The following MAN2B2 variants were observed in gnomAD, a reference collection of about 807,000 sequenced individuals.
MAN2B2 encodes epididymis-specific alpha-mannosidase.
A neutral mutation model predicts 117.1 loss-of-function variants in MAN2B2; 106 were observed. The ratio of observed to expected loss-of-function variants is 0.90; its 90% CI spans 0.77 to 1.06. The LOEUF (loss-of-function observed/expected upper bound fraction) is 1.06, where lower values mean the gene tolerates loss of function less well. Ranked by LOEUF, MAN2B2 falls within the 50% of genes least tolerant of loss-of-function variation. The pLI is 0.00. For missense variants in MAN2B2, 1,326 were observed against 1,381.4 expected (o/e 0.96, Z 0.64); for synonymous variants, 544 against 595.1 (o/e 0.91, Z 1.25).
At chr4:6,588,154 T>A (rs1726714897) in intron 4 of MAN2B2, among the ~76,000 whole-genome samples, 1 of 152,098 alleles carries the variant, frequency 6.6e-6, no homozygotes, top group African/African-American at 2.4e-5. Context: ...GACTGGTGAC[T>A]CAAGCAATAG....
rs770960851 is a variant in MAN2B2 at position 6,605,282 on chromosome 4, T to C, written c.1767T>C (p.Ile589=). Reference sequence around the variant, plus strand: ...TGCCTGTGGCAAACGACTGCTACATTGTGCTGCTCGACCAGGATACCAACC... The same window carrying C: ...TGCCTGTGGCAAACGACTGCTACATCGTGCTGCTCGACCAGGATACCAACC... ...YLVPVANDCY[I]VLLDQDTNLM... Residue 589 remains isoleucine, a synonymous_variant, in exon 11 of 19, where the codon ATT becomes ATC. Coordinates refer to ENST00000285599, the MANE Select transcript of MAN2B2 (RefSeq NM_015274.3). 31 of 1,613,856 alleles carry C rather than the reference T, an allele frequency of 1.9e-5. No individual in the cohort carries two copies. The Admixed American group carries it at 3.2e-4, about 16-fold the overall frequency.
intron 10 of MAN2B2, among the ~76,000 whole-genome samples, chr4:6,603,727 A>G (rs1727423830): frequency 6.6e-6 from 1 of 152,002 alleles, no homozygotes; most frequent in Non-Finnish European, 1.5e-5. Context: ...AAATAAGAAA[A>G]ATATGGAATA....
chr4:6,578,373 C>T lies in MAN2B2; in HGVS notation c.286-20C>T. On this transcript the variant is annotated intron_variant, in intron 2 of 18. Coordinates refer to ENST00000285599, the MANE Select transcript of MAN2B2 (RefSeq NM_015274.3). ...CAGGAGCCGTAACTGGCTTTTTTCTCTCTGCCTGCCCATGTCAAGGTCCGC... is the reference window on the plus strand; with the variant it reads ...CAGGAGCCGTAACTGGCTTTTTTCTTTCTGCCTGCCCATGTCAAGGTCCGC... The T allele has an allele frequency of 6.3e-7, 1 of 1,599,510 alleles. No homozygotes were observed. The highest frequency in any genetic ancestry group is 8.5e-7 in the Non-Finnish European group (1 of 1,170,084).
At chr4:6,578,264 T>C (rs1159785334) in intron 2 of MAN2B2, 129 bp from the exon 3 acceptor site, 1 of 676,010 alleles carries the variant, frequency 1.5e-6, no homozygotes, top group Non-Finnish European at 2.6e-6. Flanking sequence ...AGTGCCCTGC[T>C]TTTATAGAGT....
At chr4:6,619,500 C>T (rs994934335) in intron 17 of MAN2B2, 3 of 168,104 alleles carry the variant, frequency 1.8e-5, no homozygotes, top group Admixed American at 1.7e-4. Context: ...CCCTAAGGGC[C>T]TCCTGCCTCC....
In MAN2B2 at chr4:6,579,216, C is replaced by T. The variant is rs374902251; in HGVS notation, c.391+718C>T. 1.7e-3 allele frequency among the ~76,000 whole-genome samples: 121 copies of T among 72,416 alleles called. 6 individuals are homozygous for T. Among genetic ancestry groups the T allele is most frequent in the Non-Finnish European group, 2.2e-3 (75 of 33,766 alleles). 47.5% of individuals were successfully genotyped at this position (72,416 alleles called of 152,430 possible). Reference sequence around the variant, plus strand: ...AGCACCACCACCATCACCATCACCACCACCACCACCACCATCACCACCACC... The same window carrying T: ...AGCACCACCACCATCACCATCACCATCACCACCACCACCATCACCACCACC... On this transcript the variant is annotated intron_variant, in intron 3 of 18. Transcript: ENST00000285599.
chr4:6,621,089 T>C, intron 18 of MAN2B2, 99 bp from the exon 19 acceptor site: 1 of 819,932 alleles, frequency 1.2e-6, no homozygotes, highest in Non-Finnish European at 2.0e-6. Context: ...AGAGGGAGGC[T>C]GGGAGCCACA....
chr4:6,621,948 G>A lies in MAN2B2; in HGVS notation c.*663G>A, dbSNP rs2108763867. 6.6e-6 allele frequency: 1 copy of A among 152,384 alleles called. No homozygotes were observed. Among genetic ancestry groups the A allele is most frequent in the African/African-American group, 2.4e-5 (1 of 41,576 alleles). The allele number at this position is 152,384 out of a possible 1,614,324, so 9.4% of individuals were successfully genotyped here. A position where few individuals can be genotyped will look rare whatever the true frequency, so the allele number is the denominator to read the frequency against. ...ATCAATAAAAGTATAACCTTCCCAG[G>A]TCTATGCCCAAGAGAATTGAAAACA... On this transcript the variant is annotated 3_prime_UTR_variant, in exon 19 of 19. Transcript: ENST00000285599.
At position 6,609,996 on chromosome 4, in the gene MAN2B2, C is replaced by G. The variant is rs1218151404; in HGVS notation, c.2205C>G (p.Gly735=). The change falls in exon 13 of 19, where the codon GGC becomes GGG. Residue 735 remains glycine (G), a synonymous_variant. Transcript: ENST00000285599. ...SQQVIYSDNN[G]YQMQRRPYVS... is the part of the protein sequence containing the mutation. ...AGGTCATCTACTCAGACAACAACGGCTACCAGATGCAGCGGAGGCCCTACG... is the reference window on the plus strand; with the variant it reads ...AGGTCATCTACTCAGACAACAACGGGTACCAGATGCAGCGGAGGCCCTACG... The G allele has an allele frequency of 6.2e-7, 1 of 1,614,040 alleles. No individual in the cohort carries two copies. Among genetic ancestry groups the G allele is most frequent in the Non-Finnish European group, 8.5e-7 (1 of 1,180,030 alleles).
intron 10 of MAN2B2, among the ~76,000 whole-genome samples, chr4:6,601,525 A>C (rs890106556): frequency 6.7e-6 from 1 of 150,342 alleles, no homozygotes. Context: ...AAGAAAGGGT[A>C]CAACTCAGGG....
intron 4 of MAN2B2, among the ~76,000 whole-genome samples, 179 bp downstream of exon 4, chr4:6,587,347 C>G (rs983683727): frequency 5.3e-5 from 8 of 152,190 alleles, no homozygotes; most frequent in Admixed American, 6.5e-5. Context: ...CCAGGAGGGC[C>G]CCCCTCCCTG....
chr4:6,586,764 C>CT (rs2108738304), intron 3 of MAN2B2, among the ~76,000 whole-genome samples: 1 of 152,304 alleles, frequency 6.6e-6, no homozygotes, highest in South Asian at 2.1e-4. Context: ...AGTAACACTA[C>CT]TTAACTATAC....
At chr4:6,579,419 C>CCAT (rs1726332461) in intron 3 of MAN2B2, among the ~76,000 whole-genome samples, 3 of 140,476 alleles carry the variant, frequency 2.1e-5, no homozygotes, top group Admixed American at 1.4e-4. Flanking sequence ...ATCACCATCA[C>CCAT]CACCACCATC....
rs1712081611 is a variant in MAN2B2, at chr4:6,619,943, T to C, written c.2831T>C (p.Leu944Pro). ...TVNLEAVLQA[L>P]GSVVAVEERS... ...TCCCTGCAGGCTGTGCTGCAGGCGC[T>C]GGGGTCCGTGGTGGCAGTGGAGGAG... Residue 944 changes from leucine (L) to proline (P), a missense_variant, in exon 18 of 19, where the codon CTG becomes CCG. Leu to Pro is a moderately conservative substitution (Grantham distance 98). Coordinates refer to ENST00000285599, the MANE Select transcript of MAN2B2 (RefSeq NM_015274.3). 3 of 1,613,858 alleles carry C rather than the reference T, an allele frequency of 1.9e-6. No individual in the cohort carries two copies. The highest frequency in any genetic ancestry group is 2.5e-6 in the Non-Finnish European group (3 of 1,179,936).
chr4:6,604,130 G>A (rs764593790), intron 10 of MAN2B2, among the ~76,000 whole-genome samples: 3 of 152,204 alleles, frequency 2.0e-5, no homozygotes, highest in African/African-American at 4.8e-5. Context: ...GGCAGGAAAC[G>A]GCAGGAGTGT....
intron 16 of MAN2B2, among the ~76,000 whole-genome samples, chr4:6,615,584 G>T (rs1476301110): frequency 3.3e-5 from 5 of 150,780 alleles, no homozygotes; most frequent in African/African-American, 1.2e-4. Context: ...ATCACTTCAG[G>T]CCAGGAGTTC....
chr4:6,598,096 TGGCAAGCCAG>T, intron 8 of MAN2B2, 92 bp from the exon 9 acceptor site: 1 of 1,360,074 alleles, frequency 7.4e-7, no homozygotes, highest in Non-Finnish European at 1.0e-6. Flanking sequence ...CACTGGCACC[TGGCAAGCCAG>T]AATGAGAGCC....
Position 6,611,217 on chromosome 4 carries a change from G to C in MAN2B2, c.2502G>C (p.Leu834=). The C allele has an allele frequency of 6.2e-7, 1 of 1,613,756 alleles. No homozygotes were observed. Residue 834 remains leucine, a synonymous_variant, in exon 15 of 19, where the codon CTG becomes CTC. Coordinates refer to ENST00000285599, the MANE Select transcript of MAN2B2 (RefSeq NM_015274.3). The stretch of plus-strand genomic sequence containing the variant: ...GATCCTGGTCCCTCACCACTGCCCT[G>C]CGCCAGAGGAGCGCACTGGCGCTGC... ...LLGSWSLTTA[L]RQRSALALQH... is the part of the protein sequence containing the mutation.
chr4:6,603,206 C>T (rs775754691), intron 10 of MAN2B2, among the ~76,000 whole-genome samples: 54 of 152,236 alleles, frequency 3.5e-4, no homozygotes, highest in Non-Finnish European at 6.3e-4. Flanking sequence ...CCAGACACCC[C>T]ACATGGGTCA....
Sources: allele counts gnomAD v4.1 joint callset (sites outside exome capture counted in the v4.1 genomes callset), GRCh38; gene constraint gnomAD v4.1.1; transcripts MANE v1.5; gene names NCBI Gene and HGNC (gene_info 2026-07-23, HGNC 2026-07-21).